Variants in PRELID2 observed in about 807,000 individuals in gnomAD.
The protein encoded by PRELID2 is PRELI domain-containing protein 2.
Under a neutral mutation model 28.4 loss-of-function variants are expected in PRELID2, and 25 were observed. The ratio of observed to expected loss-of-function variants is 0.88; its 90% CI spans 0.64 to 1.23. The LOEUF (loss-of-function observed/expected upper bound fraction) is 1.23. PRELID2 is among the 50% of genes most tolerant of loss of function. The probability of loss-of-function intolerance (pLI) is 0.00; values close to 1 mark genes in which losing one functional copy is unlikely to be tolerated. For missense variants in PRELID2, 201 were observed against 214.4 expected, an observed-to-expected ratio of 0.94 and a Z score of 0.39; for synonymous variants, 76 against 71.6, an observed-to-expected ratio of 1.06 and a Z score of -0.31.
chr5:145,356,707 T>C, the PRELID2 span, among the ~76,000 whole-genome samples: 1 of 152,204 alleles, frequency 6.6e-6, no homozygotes. Flanking sequence ...CAGTTGTGTC[T>C]TGCTTCTTTG....
intron 1 of PRELID2, among the ~76,000 whole-genome samples, chr5:145,640,099 A>G (rs1307316825): frequency 1.3e-5 from 2 of 152,160 alleles, no homozygotes; most frequent in African/African-American, 4.8e-5. Flanking sequence ...TGTCTCTATC[A>G]AACATGTGAA....
the PRELID2 span, among the ~76,000 whole-genome samples, chr5:145,336,549 G>C: frequency 4.6e-5 from 7 of 151,994 alleles, no homozygotes; most frequent in Non-Finnish European, 5.9e-5. Context: ...CCCATTGCTT[G>C]TTTTTCTCAG....
At chr5:145,239,983 GT>G in the PRELID2 span, among the ~76,000 whole-genome samples, 200 of 152,108 alleles carry the variant, frequency 1.3e-3, 4 homozygotes, top group East Asian at 0.031. Flanking sequence ...GTTGAATGCT[GT>G]TTTCTCAGAA....
chr5:145,529,430 G>A (rs1752637124), intron 1 of PRELID2, among the ~76,000 whole-genome samples: 1 of 152,088 alleles, frequency 6.6e-6, no homozygotes. Context: ...TTTTCAATGG[G>A]CCACAATTAT....
chr5:145,381,105 A>T, the PRELID2 span, among the ~76,000 whole-genome samples: 2 of 152,216 alleles, frequency 1.3e-5, no homozygotes, highest in Non-Finnish European at 2.9e-5. Context: ...GTCTCTAAAA[A>T]GCAATAATTT....
At chr5:145,520,374 T>C (rs1474331064) in intron 1 of PRELID2, among the ~76,000 whole-genome samples, 2 of 152,178 alleles carry the variant, frequency 1.3e-5, no homozygotes, top group African/African-American at 4.8e-5. Context: ...CAAGCTTAAA[T>C]CCTTGCACTT....
At chr5:145,696,503 G>A (rs775587230) in intron 1 of PRELID2, among the ~76,000 whole-genome samples, 2 of 151,990 alleles carry the variant, frequency 1.3e-5, no homozygotes, top group Non-Finnish European at 2.9e-5. Flanking sequence ...GTCTCACTCT[G>A]TCACCGAGGC....
chr5:145,545,414 A>G (rs1489882744), intron 1 of PRELID2, among the ~76,000 whole-genome samples: 3 of 151,302 alleles, frequency 2.0e-5, no homozygotes, highest in Non-Finnish European at 4.4e-5. Flanking sequence ...TTACTTTTAC[A>G]CTGAAGCAAC....
chr5:145,513,574 T>A (rs1455049438), intron 1 of PRELID2, among the ~76,000 whole-genome samples: 1 of 152,096 alleles, frequency 6.6e-6, no homozygotes, highest in Non-Finnish European at 1.5e-5. Context: ...CAGGATAACA[T>A]CCAGCAGAAC....
the PRELID2 span, among the ~76,000 whole-genome samples, chr5:145,353,008 C>A: frequency 6.6e-6 from 1 of 152,172 alleles, no homozygotes; most frequent in Non-Finnish European, 1.5e-5. Context: ...AACTTTCCCA[C>A]GTTTTCCTAT....
the PRELID2 span, among the ~76,000 whole-genome samples, chr5:145,242,373 T>C: frequency 6.6e-6 from 1 of 151,830 alleles, no homozygotes; most frequent in South Asian, 2.1e-4. Context: ...AAATATAGAG[T>C]TAAATGGCTC....
chr5:145,730,246 C>T (rs1357851504), intron 1 of PRELID2, among the ~76,000 whole-genome samples: 1 of 152,152 alleles, frequency 6.6e-6, no homozygotes, highest in Admixed American at 6.6e-5. Flanking sequence ...GCAAGCCCTG[C>T]CTCAGCTTCT....
the PRELID2 span, among the ~76,000 whole-genome samples, chr5:145,303,424 T>A: frequency 1.3e-5 from 2 of 152,318 alleles, no homozygotes; most frequent in East Asian, 3.9e-4. Flanking sequence ...TTATATTGCT[T>A]TTATATTACC....
chr5:145,604,706 A>T (rs1170307337), intron 1 of PRELID2, among the ~76,000 whole-genome samples: 2 of 143,838 alleles, frequency 1.4e-5, no homozygotes, highest in Non-Finnish European at 3.0e-5. Context: ...GTATATAAGC[A>T]TTCTCTTATC....
the PRELID2 span, among the ~76,000 whole-genome samples, chr5:145,440,146 C>A: frequency 6.6e-6 from 1 of 152,016 alleles, no homozygotes; most frequent in Non-Finnish European, 1.5e-5. Flanking sequence ...ATGGATGAAC[C>A]GTTTAAATAA....
chr5:145,392,717 G>A, the PRELID2 span, among the ~76,000 whole-genome samples: 4 of 151,312 alleles, frequency 2.6e-5, no homozygotes, highest in African/African-American at 9.7e-5. Context: ...AAAGAGAGAG[G>A]GAAAGAAGGA....
At chr5:145,271,209 T>C in the PRELID2 span, among the ~76,000 whole-genome samples, 2 of 152,082 alleles carry the variant, frequency 1.3e-5, no homozygotes. Context: ...AGCCAAACCA[T>C]ATCATGTCCC....
At chr5:145,244,237 G>A in the PRELID2 span, among the ~76,000 whole-genome samples, 7 of 152,048 alleles carry the variant, frequency 4.6e-5, no homozygotes, top group Non-Finnish European at 8.8e-5. Context: ...TTATAGGCCT[G>A]AGCCACCACG....
At chr5:145,583,101 G>T (rs1428218356) in intron 1 of PRELID2, among the ~76,000 whole-genome samples, 1 of 152,174 alleles carries the variant, frequency 6.6e-6, no homozygotes, top group Non-Finnish European at 1.5e-5. Context: ...CCATGATCAA[G>T]TTGGCTTCAT....
Sources: allele counts gnomAD v4.1 joint callset (sites outside exome capture counted in the v4.1 genomes callset), GRCh38; gene constraint gnomAD v4.1.1; transcripts MANE v1.5; gene names NCBI Gene and HGNC (gene_info 2026-07-23, HGNC 2026-07-21).